WNK3: variants seen among roughly 807,000 people sequenced by gnomAD.
WNK3 encodes the protein serine/threonine-protein kinase WNK3.
A neutral mutation model predicts 116.7 loss-of-function variants in WNK3; 18 were observed. That is an observed-to-expected ratio of 0.15 (90% confidence interval 0.11 to 0.23). WNK3 has a LOEUF of 0.23. WNK3 is among the 10% of genes least tolerant of loss of function. The pLI, the probability that WNK3 is intolerant of heterozygous loss-of-function variation, is 1.00. For synonymous variants in WNK3, 404 were observed against 469.4 expected (o/e 0.86, Z 1.80); for missense variants, 993 against 1,323.8 (o/e 0.75, Z 3.88).
chrX:54,255,271 C>T (rs1025032230), intron 12 of WNK3, among the ~76,000 whole-genome samples: 7 of 111,658 alleles, frequency 6.3e-5, no homozygotes, highest in Admixed American at 1.9e-4. Flanking sequence ...TGAGCCACTG[C>T]GCCCGGCTCA....
chrX:54,309,364 T>G, intron 3 of WNK3, 49 bp from the exon 4 acceptor site: 1 of 933,713 alleles, frequency 1.1e-6, no homozygotes, highest in African/African-American at 1.9e-5. Flanking sequence ...ATCCAACTTA[T>G]TATATGAACA....
intron 22 of WNK3, among the ~76,000 whole-genome samples, chrX:54,220,519 T>C (rs782271814): frequency 4.0e-4 from 44 of 110,556 alleles, no homozygotes; most frequent in Non-Finnish European, 7.4e-4. Context: ...CCACTACACT[T>C]CAGCCTGAGG....
chrX:54,215,928 G>A (rs2067688240), intron 22 of WNK3, among the ~76,000 whole-genome samples: 1 of 111,572 alleles, frequency 9.0e-6, no homozygotes, highest in Non-Finnish European at 1.9e-5. Context: ...ATTTTGTTCT[G>A]TACTAAGAAA....
chrX:54,203,414 C>T (rs781796381), intron 22 of WNK3, among the ~76,000 whole-genome samples: 1 of 111,785 alleles, frequency 8.9e-6, no homozygotes, highest in Non-Finnish European at 1.9e-5. Context: ...AGCACAATAA[C>T]AGTTCCAGGG....
intron 13 of WNK3, among the ~76,000 whole-genome samples, chrX:54,252,402 G>A (rs781814836): frequency 1.8e-5 from 2 of 111,568 alleles, no homozygotes; most frequent in Non-Finnish European, 3.8e-5. Flanking sequence ...TAGCTCGGAA[G>A]GCTGGGCACG....
At chrX:54,238,234 A>C in intron 19 of WNK3, 108 bp downstream of exon 19, 1 of 981,521 alleles carries the variant, frequency 1.0e-6, no homozygotes, top group Non-Finnish European at 1.3e-6. Context: ...CTCCATCTCA[A>C]AAAAAAATAA....
intron 22 of WNK3, among the ~76,000 whole-genome samples, chrX:54,203,812 G>A (rs1173805171): frequency 1.8e-5 from 2 of 109,496 alleles, no homozygotes; most frequent in Non-Finnish European, 3.8e-5. Flanking sequence ...CCAGGCGTGG[G>A]GGTGTGCGCC....
intron 22 of WNK3, among the ~76,000 whole-genome samples, chrX:54,221,036 GA>G (rs2067755518): frequency 9.0e-6 from 1 of 111,657 alleles, no homozygotes; most frequent in Non-Finnish European, 1.9e-5. Flanking sequence ...TTTATAAGGT[GA>G]ATTGTACCAG....
At chrX:54,326,423 G>A (rs1466848232) in intron 2 of WNK3, among the ~76,000 whole-genome samples, 5 of 111,470 alleles carry the variant, frequency 4.5e-5, no homozygotes, top group African/African-American at 1.6e-4. Context: ...AGTTATGGGA[G>A]CCAGGTACAG....
intron 1 of WNK3, among the ~76,000 whole-genome samples, chrX:54,337,944 T>C (rs1393662557): frequency 1.8e-5 from 2 of 108,662 alleles, no homozygotes; most frequent in African/African-American, 6.7e-5. Context: ...GGCATGTGCC[T>C]GTAGCCCAAA....
intron 2 of WNK3, among the ~76,000 whole-genome samples, 195 bp downstream of exon 2, chrX:54,332,937 CAGAAA>C (rs782043499): frequency 1.8e-4 from 18 of 102,508 alleles, no homozygotes; most frequent in South Asian, 4.3e-4. Context: ...CCCTTTAAAA[CAGAAA>C]AGAAAACAAC....
intron 1 of WNK3, among the ~76,000 whole-genome samples, chrX:54,357,230 T>G (rs2069605031): frequency 9.1e-6 from 1 of 110,153 alleles, no homozygotes; most frequent in South Asian, 3.9e-4. Flanking sequence ...CTCACTTAAG[T>G]GATCACTCAG....
exon 24 of WNK3, chrX:54,195,230 T>C (rs2067432397): frequency 9.0e-6 from 1 of 111,572 alleles, no homozygotes; most frequent in South Asian, 3.7e-4. Context: ...CTTTGAGAAG[T>C]AAACATGGTG....
chrX:54,212,750 T>C, intron 22 of WNK3, among the ~76,000 whole-genome samples: 1 of 111,891 alleles, frequency 8.9e-6, no homozygotes, highest in Middle Eastern at 4.6e-3. Flanking sequence ...AGGTTACAGA[T>C]AAGCAAATAG....
At chrX:54,238,794 T>A in intron 18 of WNK3, 74 bp downstream of exon 18, 1 of 848,614 alleles carries the variant, frequency 1.2e-6, no homozygotes, top group Non-Finnish European at 1.6e-6. Context: ...AAGATTTGTA[T>A]ATGAACAACA....
At chrX:54,213,561 A>AAAAAAAAAAAAAAAAAAAC (rs2067645251) in intron 22 of WNK3, among the ~76,000 whole-genome samples, 6 of 98,205 alleles carry the variant, frequency 6.1e-5, no homozygotes, top group Non-Finnish European at 9.7e-5. Context: ...CTCAAAAAAA[A>AAAAAAAAAAAAAAAAAAAC]AAACAAACAA....
chrX:54,293,000 A>C, exon 10 of WNK3: 2 of 1,211,215 alleles, frequency 1.7e-6, no homozygotes, highest in Non-Finnish European at 1.1e-6. Flanking sequence ...AACCAAAGGC[A>C]AAATCTGCGG....
intron 22 of WNK3, among the ~76,000 whole-genome samples, chrX:54,215,940 ATTC>A (rs1186759097): frequency 1.8e-5 from 2 of 111,630 alleles, no homozygotes; most frequent in Non-Finnish European, 3.8e-5. Context: ...ACTAAGAAAA[ATTC>A]TTCTGCCTTG....
At chrX:54,194,111 T>C (rs1368573463) in exon 24 of WNK3, 1 of 111,740 alleles carries the variant, frequency 8.9e-6, no homozygotes, top group Non-Finnish European at 1.9e-5. Context: ...ACAGTAAACA[T>C]GTGAAACAAG....
Sources: allele counts gnomAD v4.1 joint callset (sites outside exome capture counted in the v4.1 genomes callset), GRCh38; gene constraint gnomAD v4.1.1; transcripts MANE v1.5; gene names NCBI Gene and HGNC (gene_info 2026-07-23, HGNC 2026-07-21).